KCNU1: variants seen among roughly 807,000 people sequenced by gnomAD.
KCNU1 encodes potassium channel subfamily U member 1.
KCNU1 carries 93 observed loss-of-function variants against 126.8 expected under a neutral mutation model. That is an observed-to-expected ratio of 0.73 (90% CI 0.62 to 0.87). The LOEUF (loss-of-function observed/expected upper bound fraction) is 0.87, where lower values mean the gene tolerates loss of function less well. KCNU1 is among the 40% of genes least tolerant of loss of function. KCNU1 has a pLI of 0.00. For synonymous variants in KCNU1, 523 were observed against 494.2 expected, an observed-to-expected ratio of 1.06 and a Z score of -0.77; for missense variants, 1,330 against 1,367.1, an observed-to-expected ratio of 0.97 and a Z score of 0.43.
At chr8:36,877,542 A>C (rs1449103552) in intron 19 of KCNU1, among the ~76,000 whole-genome samples, 1 of 152,012 alleles carries the variant, frequency 6.6e-6, no homozygotes, top group East Asian at 1.9e-4. Context: ...ATCTCAGGTG[A>C]TCCTCCTGCC....
At chr8:36,845,755 G>A in intron 17 of KCNU1, 47 bp from the exon 18 acceptor site, 1 of 1,486,512 alleles carries the variant, frequency 6.7e-7, no homozygotes, top group Non-Finnish European at 9.4e-7. Flanking sequence ...TGCCTCCTTT[G>A]CATTAAGACT....
intron 2 of KCNU1, among the ~76,000 whole-genome samples, chr8:36,801,351 A>T (rs1301801350): frequency 6.6e-6 from 1 of 152,040 alleles, no homozygotes; most frequent in African/African-American, 2.4e-5. Flanking sequence ...TTTTGGTTTT[A>T]ATATACATTT....
At chr8:36,861,128 A>C (rs1805715263) in intron 18 of KCNU1, among the ~76,000 whole-genome samples, 1 of 152,154 alleles carries the variant, frequency 6.6e-6, no homozygotes, top group Non-Finnish European at 1.5e-5. Context: ...AGGAGAAAGA[A>C]TAGGAGATGG....
At chr8:36,917,418 C>T (rs1028780770) in intron 22 of KCNU1, among the ~76,000 whole-genome samples, 2 of 150,806 alleles carry the variant, frequency 1.3e-5, no homozygotes, top group South Asian at 2.1e-4. Context: ...AGCGTGATGG[C>T]GGCTCACCGT....
chr8:36,819,179 A>T (rs1254945024), intron 10 of KCNU1, among the ~76,000 whole-genome samples: 2 of 152,112 alleles, frequency 1.3e-5, no homozygotes, highest in African/African-American at 4.8e-5. Flanking sequence ...AAAAATTTAC[A>T]TCTTCTCTTA....
intron 10 of KCNU1, among the ~76,000 whole-genome samples, chr8:36,826,781 T>C (rs1012677884): frequency 2.0e-4 from 30 of 152,320 alleles, no homozygotes; most frequent in African/African-American, 7.2e-4. Flanking sequence ...ATAGGTAAAC[T>C]TGTGTCATGA....
intron 12 of KCNU1, 61 bp downstream of exon 12, chr8:36,834,929 G>T: frequency 1.9e-6 from 2 of 1,044,138 alleles, no homozygotes; most frequent in Non-Finnish European, 2.9e-6. Context: ...TTAAAGTAAT[G>T]CCCGGTACAT....
chr8:36,922,002 G>C (rs1808367422), intron 23 of KCNU1, among the ~76,000 whole-genome samples: 1 of 152,278 alleles, frequency 6.6e-6, no homozygotes, highest in Admixed American at 6.5e-5. Context: ...ATTCATATGT[G>C]CATTACATTT....
chr8:36,922,984 T>G (rs2117589668), intron 24 of KCNU1: 3 of 471,158 alleles, frequency 6.4e-6, no homozygotes, highest in South Asian at 4.6e-5. Context: ...TCCAAACAGC[T>G]CATGTGGAAA....
chr8:36,926,424 C>T (rs1808535596), intron 24 of KCNU1, among the ~76,000 whole-genome samples: 1 of 152,086 alleles, frequency 6.6e-6, no homozygotes, highest in South Asian at 2.1e-4. Flanking sequence ...CTTGCCCACC[C>T]ACATCTCTCC....
intron 2 of KCNU1, among the ~76,000 whole-genome samples, chr8:36,793,841 G>T (rs889737607): frequency 2.0e-5 from 3 of 151,922 alleles, no homozygotes; most frequent in African/African-American, 7.3e-5. Context: ...GGATCATGAG[G>T]TCAGGAGTTT....
In KCNU1 at chr8:36,825,603, T is replaced by G. The variant is rs187998739; in HGVS notation, c.1106+7843T>G. ...GCAGTTTTGTTACATGGAAACATGGTGCAGTGGAGAAGTCTAGGCTTTTAG... is the reference window on the plus strand; with the variant it reads ...GCAGTTTTGTTACATGGAAACATGGGGCAGTGGAGAAGTCTAGGCTTTTAG... On this transcript the variant is annotated intron_variant, in intron 10 of 26. Coordinates refer to ENST00000399881, the MANE Select transcript of KCNU1 (RefSeq NM_001031836.3). Among the ~76,000 whole-genome samples the G allele has an allele frequency of 3.3e-4, 50 of 152,288 alleles. 1 individual carries two copies. The highest frequency in any genetic ancestry group is 1.1e-3 in the African/African-American group (47 of 41,570).
chr8:36,861,906 A>C (rs1341317655), intron 18 of KCNU1, among the ~76,000 whole-genome samples: 1 of 152,238 alleles, frequency 6.6e-6, no homozygotes, highest in Non-Finnish European at 1.5e-5. Flanking sequence ...TTGAAAGAGA[A>C]AGGTAACCAA....
intron 2 of KCNU1, among the ~76,000 whole-genome samples, chr8:36,794,709 G>C (rs1182842706): frequency 6.6e-6 from 1 of 152,024 alleles, no homozygotes; most frequent in Non-Finnish European, 1.5e-5. Flanking sequence ...AATCACTTGA[G>C]TCCAGGAGTT....
intron 7 of KCNU1, 78 bp from the exon 8 acceptor site, chr8:36,814,129 C>A: frequency 9.4e-7 from 1 of 1,061,782 alleles, no homozygotes; most frequent in Non-Finnish European, 1.4e-6. Context: ...TGCAATTAAT[C>A]TAATGTTTTG....
At chr8:36,915,786 A>G (rs987332703) in intron 22 of KCNU1, among the ~76,000 whole-genome samples, 2 of 152,150 alleles carry the variant, frequency 1.3e-5, no homozygotes, top group Admixed American at 6.5e-5. Flanking sequence ...TCCAAACTCA[A>G]TGACTATCCT....
chr8:36,848,270 C>T (rs1040262965), intron 18 of KCNU1, among the ~76,000 whole-genome samples: 1 of 152,104 alleles, frequency 6.6e-6, no homozygotes. Flanking sequence ...TGATTGTTTT[C>T]TTTGCTGTGC....
chr8:36,911,264 T>C, intron 22 of KCNU1, 145 bp downstream of exon 22: 1 of 575,954 alleles, frequency 1.7e-6, no homozygotes, highest in Non-Finnish European at 2.9e-6. Context: ...GAGAATCCCA[T>C]AGTAGAAATA....
intron 2 of KCNU1, among the ~76,000 whole-genome samples, chr8:36,792,893 T>C (rs903451437): frequency 2.0e-5 from 3 of 152,152 alleles, no homozygotes; most frequent in Non-Finnish European, 4.4e-5. Context: ...CTTATATCTA[T>C]AAACGTAAAC....
Sources: gnomAD v4.1 joint callset for allele counts (sites outside exome capture counted in the v4.1 genomes callset) on GRCh38, gnomAD v4.1.1 for gene constraint, MANE v1.5 for transcripts, NCBI Gene and HGNC (gene_info 2026-07-23, HGNC 2026-07-21) for gene names.